Variants in CORIN observed in about 807,000 individuals in gnomAD.
CORIN encodes corin, serine peptidase, also known as atrial natriuretic peptide-converting enzyme.
CORIN carries 117 observed loss-of-function variants against 125.3 expected under a neutral mutation model. The observed-to-expected ratio is 0.93, with a 90% CI of 0.80 to 1.09. The LOEUF (loss-of-function observed/expected upper bound fraction) is 1.09. Among genes scored for constraint, CORIN ranks in the 50% least tolerant of loss-of-function variants. CORIN has a pLI of 0.00. For synonymous variants in CORIN, 450 were observed against 466.4 expected (o/e 0.96, Z 0.45); for missense variants, 1,253 against 1,306.7 (o/e 0.96, Z 0.63).
intron 10 of CORIN, among the ~76,000 whole-genome samples, chr4:47,669,333 CTT>C (rs761736439): frequency 1.1e-4 from 17 of 152,264 alleles, no homozygotes; most frequent in Middle Eastern, 3.4e-3. Context: ...AAAAATGTGA[CTT>C]TTCTACATCT....
intron 1 of CORIN, among the ~76,000 whole-genome samples, chr4:47,823,168 T>C (rs556245219): frequency 6.6e-6 from 1 of 152,346 alleles, no homozygotes; most frequent in South Asian, 2.1e-4. Flanking sequence ...CCTATTTCAT[T>C]CAATGGTTTA....
At chr4:47,632,084 C>G (rs1463773629) in intron 16 of CORIN, 1 of 152,164 alleles carries the variant, frequency 6.6e-6, no homozygotes, top group African/African-American at 2.4e-5. Flanking sequence ...ATAAATATCC[C>G]ATGCTTGAAT....
intron 4 of CORIN, among the ~76,000 whole-genome samples, chr4:47,753,370 A>G (rs1353540116): frequency 6.6e-6 from 1 of 152,196 alleles, no homozygotes; most frequent in Non-Finnish European, 1.5e-5. Context: ...TAAACATCTT[A>G]AGCAACAGAA....
intron 4 of CORIN, among the ~76,000 whole-genome samples, chr4:47,746,637 C>T (rs943385475): frequency 4.6e-5 from 7 of 151,946 alleles, no homozygotes; most frequent in Middle Eastern, 3.4e-3. Context: ...TGGTTTCAAG[C>T]GATTCTCCTG....
chr4:47,626,312 G>T, intron 17 of CORIN, 93 bp downstream of exon 17: 1 of 777,754 alleles, frequency 1.3e-6, no homozygotes, highest in Non-Finnish European at 2.3e-6. Context: ...GACAAATTTG[G>T]ATTATCTTAA....
chr4:47,669,950 T>A (rs554737785), intron 10 of CORIN, among the ~76,000 whole-genome samples: 211 of 152,332 alleles, frequency 1.4e-3, no homozygotes, highest in African/African-American at 4.8e-3. Context: ...ACTTGTCCTG[T>A]CTTTTAAGTC....
chr4:47,800,826 G>T (rs1024991605), intron 2 of CORIN, among the ~76,000 whole-genome samples: 11 of 152,216 alleles, frequency 7.2e-5, no homozygotes, highest in African/African-American at 2.4e-4. Context: ...CAGCATTTCT[G>T]GGTTCCTTTC....
chr4:47,702,942 A>G (rs916898258), intron 5 of CORIN, among the ~76,000 whole-genome samples: 1 of 151,930 alleles, frequency 6.6e-6, no homozygotes, highest in Non-Finnish European at 1.5e-5. Context: ...ATTATACTTT[A>G]AGTTCTGGGA....
At chr4:47,751,147 G>T (rs1319444513) in intron 4 of CORIN, among the ~76,000 whole-genome samples, 1 of 152,170 alleles carries the variant, frequency 6.6e-6, no homozygotes, top group Non-Finnish European at 1.5e-5. Context: ...AAGGAAAGCT[G>T]TTTTCATTTC....
rs115062972 is a variant in CORIN, at chr4:47,678,580, G to A, written c.1133-526C>T. Among the ~76,000 whole-genome samples the A allele has an allele frequency of 9.4e-3, 1,432 of 152,206 alleles. 23 individuals carry two copies. Among genetic ancestry groups the A allele is most frequent in the African/African-American group, 0.032 (1,311 of 41,528 alleles). ...TCATAAGCCAACAAAATAGTATATG[G>A]GAAAGAACTTGCATAGTAACTAACA... On this transcript the variant is annotated intron_variant, in intron 8 of 21. Transcript: ENST00000273857.
At chr4:47,640,964 T>A (rs997311005) in intron 16 of CORIN, among the ~76,000 whole-genome samples, 3 of 152,202 alleles carry the variant, frequency 2.0e-5, no homozygotes, top group Non-Finnish European at 4.4e-5. Flanking sequence ...GCAAATATAA[T>A]TTTTCCACTC....
At chr4:47,599,211 G>T (rs1160645730) in intron 21 of CORIN, among the ~76,000 whole-genome samples, 1 of 152,174 alleles carries the variant, frequency 6.6e-6, no homozygotes, top group Non-Finnish European at 1.5e-5. Context: ...TCAGCAGGAT[G>T]ACTTGTGGCC....
chr4:47,722,117 A>G (rs908601164), intron 5 of CORIN, among the ~76,000 whole-genome samples: 1 of 152,034 alleles, frequency 6.6e-6, no homozygotes, highest in African/African-American at 2.4e-5. Context: ...TATTCCCATC[A>G]CTCACGTTCC....
intron 5 of CORIN, among the ~76,000 whole-genome samples, chr4:47,734,126 GACCTCCTGA>G (rs1177797502): frequency 1.4e-4 from 21 of 152,232 alleles, no homozygotes; most frequent in African/African-American, 4.1e-4. Flanking sequence ...AGCTGGGAAT[GACCTCCTGA>G]ACCTCAGTTT....
rs148951716 is a variant in CORIN at position 47,764,144 on chromosome 4, CTATT to C, written c.410-562_410-559del. 3.9e-3 allele frequency among the ~76,000 whole-genome samples: 596 copies of C among 152,254 alleles called. 5 individuals carry two copies. The highest frequency in any genetic ancestry group is 0.011 in the South Asian group (55 of 4,822). ...GGTACATGAAAGATGCTTCAGAAGA[CTATT>C]TAATCACAACGGATGATGCTCATAA... On this transcript the variant is annotated intron_variant, in intron 3 of 21. Coordinates refer to ENST00000273857, the MANE Select transcript of CORIN (RefSeq NM_006587.4).
intron 2 of CORIN, among the ~76,000 whole-genome samples, chr4:47,805,078 G>A (rs969245361): frequency 2.0e-5 from 3 of 148,934 alleles, no homozygotes; most frequent in African/African-American, 7.4e-5. Context: ...AGAGCTTGCA[G>A]TGAGCCGAGA....
intron 3 of CORIN, among the ~76,000 whole-genome samples, chr4:47,779,834 T>C (rs1368347092): frequency 6.6e-6 from 1 of 152,184 alleles, no homozygotes; most frequent in East Asian, 1.9e-4. Flanking sequence ...GGTTTTGAAT[T>C]GGTGCGTAAG....
At position 47,642,898 on chromosome 4, in the gene CORIN, T is replaced by A. The variant is rs1275032965; in HGVS notation, c.2068+248A>T. 1.0e-5 allele frequency: 15 copies of A among 1,493,796 alleles called. No individual in the cohort carries two copies. The South Asian group carries it at 2.0e-4, about 20-fold the overall frequency. 92.5% of individuals were successfully genotyped at this position (1,493,796 alleles called of 1,614,324 possible). On this transcript the variant is annotated intron_variant, in intron 15 of 21. Coordinates refer to ENST00000273857, the MANE Select transcript of CORIN (RefSeq NM_006587.4). The stretch of plus-strand genomic sequence containing the variant: ...AAATCCTCTCCCAGCAATTATATGA[T>A]TACAACATTTTGAACCCAAACGTTT...
At chr4:47,632,607 T>A (rs1324732009) in intron 16 of CORIN, among the ~76,000 whole-genome samples, 1 of 152,202 alleles carries the variant, frequency 6.6e-6, no homozygotes, top group Non-Finnish European at 1.5e-5. Context: ...TGGGAGTTTA[T>A]ACAGCAAAAC....
Sources: allele counts gnomAD v4.1 joint callset (sites outside exome capture counted in the v4.1 genomes callset), GRCh38; gene constraint gnomAD v4.1.1; transcripts MANE v1.5; gene names NCBI Gene and HGNC (gene_info 2026-07-23, HGNC 2026-07-21).